Variants in KCNN2 observed in about 807,000 individuals in gnomAD.
The protein encoded by KCNN2 is potassium calcium-activated channel subfamily N member 2, also known as small conductance calcium-activated potassium channel protein 2.
Under a neutral mutation model 55.5 loss-of-function variants are expected in KCNN2, and 24 were observed. The observed-to-expected ratio is 0.43, with a 90% CI of 0.31 to 0.61. The LOEUF (loss-of-function observed/expected upper bound fraction) is 0.61, where lower values mean the gene tolerates loss of function less well. Among genes scored for constraint, KCNN2 ranks in the 20% least tolerant of loss-of-function variants. The probability of loss-of-function intolerance (pLI) is 0.08; values close to 1 mark genes in which losing one functional copy is unlikely to be tolerated. For synonymous variants in KCNN2, 431 were observed against 336.1 expected (o/e 1.28, Z -3.09); for missense variants, 754 against 853.6 (o/e 0.88, Z 1.45).
At chr5:114,075,069 G>A (rs1051717453) in intron 1 of KCNN2, among the ~76,000 whole-genome samples, 31 of 152,340 alleles carry the variant, frequency 2.0e-4, no homozygotes, top group African/African-American at 7.2e-4. Flanking sequence ...CCAGGAGCCA[G>A]TTAATTTGTA....
intron 2 of KCNN2, among the ~76,000 whole-genome samples, chr5:114,353,670 T>C (rs953920092): frequency 6.6e-6 from 1 of 151,966 alleles, no homozygotes; most frequent in Non-Finnish European, 1.5e-5. Flanking sequence ...TTTATTTCTC[T>C]GGGAAACTAT....
At chr5:114,187,434 T>A (rs1304433131) in intron 1 of KCNN2, among the ~76,000 whole-genome samples, 2 of 151,974 alleles carry the variant, frequency 1.3e-5, no homozygotes, top group Non-Finnish European at 2.9e-5. Flanking sequence ...TATCCTAGAT[T>A]CCTGGCCTAA....
intron 3 of KCNN2, among the ~76,000 whole-genome samples, chr5:114,422,998 T>G (rs893127351): frequency 7.2e-5 from 11 of 152,246 alleles, no homozygotes; most frequent in Admixed American, 7.2e-4. Flanking sequence ...CATAGAAGTA[T>G]CCACATCTCC....
chr5:114,250,302 T>C (rs912947788), intron 2 of KCNN2, among the ~76,000 whole-genome samples: 1 of 152,100 alleles, frequency 6.6e-6, no homozygotes, highest in African/African-American at 2.4e-5. Context: ...CAGGTTTGGG[T>C]CTAGAACTGG....
At chr5:114,385,653 AC>A (rs1159828335) in intron 2 of KCNN2, among the ~76,000 whole-genome samples, 2 of 151,728 alleles carry the variant, frequency 1.3e-5, no homozygotes, top group Non-Finnish European at 2.9e-5. Flanking sequence ...TACCACTTTC[AC>A]CCAGGTGCCT....
chr5:114,288,880 AT>A (rs948241250), intron 2 of KCNN2, among the ~76,000 whole-genome samples: 76 of 150,986 alleles, frequency 5.0e-4, no homozygotes, highest in African/African-American at 1.7e-3. Context: ...AGTTCAGCTT[AT>A]TTTTTTTTCA....
intron 1 of KCNN2, among the ~76,000 whole-genome samples, chr5:114,127,790 A>G (rs1383438562): frequency 6.6e-6 from 1 of 152,094 alleles, no homozygotes; most frequent in Non-Finnish European, 1.5e-5. Context: ...ATGCTTTGCT[A>G]CTTAGAAATT....
At chr5:114,238,678 T>TA in intron 2 of KCNN2, among the ~76,000 whole-genome samples, 1 of 152,090 alleles carries the variant, frequency 6.6e-6, no homozygotes, top group Non-Finnish European at 1.5e-5. Context: ...TTTAATTTTC[T>TA]AAAAAACAAT....
intron 2 of KCNN2, among the ~76,000 whole-genome samples, chr5:114,247,788 A>G (rs1024294886): frequency 1.3e-5 from 2 of 152,196 alleles, no homozygotes; most frequent in Non-Finnish European, 2.9e-5. Flanking sequence ...CAAGTACCCA[A>G]AAGGGTAGCC....
intron 3 of KCNN2, among the ~76,000 whole-genome samples, chr5:114,433,093 C>CT (rs1419205018): frequency 6.6e-6 from 1 of 152,210 alleles, no homozygotes; most frequent in Non-Finnish European, 1.5e-5. Flanking sequence ...TGGCAGGCAG[C>CT]TCCACCTGCA....
chr5:114,359,321 G>C (rs548038114), upstream of KCNN2, among the ~76,000 whole-genome samples: 2 of 152,124 alleles, frequency 1.3e-5, no homozygotes, highest in African/African-American at 4.8e-5. Flanking sequence ...CCCTTGAAGA[G>C]AAGTGAGAAC....
chr5:114,425,728 C>G (rs1259109143), intron 3 of KCNN2, among the ~76,000 whole-genome samples: 1 of 152,144 alleles, frequency 6.6e-6, no homozygotes, highest in Admixed American at 6.5e-5. Context: ...TTAGTACCTC[C>G]TCAGCTGCCA....
chr5:114,208,121 T>G (rs767219964), intron 1 of KCNN2, among the ~76,000 whole-genome samples: 2 of 152,208 alleles, frequency 1.3e-5, no homozygotes, highest in Non-Finnish European at 2.9e-5. Context: ...TTCACAATTA[T>G]GTTGGTAAGC....
At chr5:114,286,884 T>C (rs1194289007) in intron 2 of KCNN2, among the ~76,000 whole-genome samples, 1 of 152,238 alleles carries the variant, frequency 6.6e-6, no homozygotes. Context: ...TAGACTATCA[T>C]GACGGAAGTG....
At chr5:114,188,591 T>G (rs1394577895) in intron 1 of KCNN2, among the ~76,000 whole-genome samples, 1 of 152,150 alleles carries the variant, frequency 6.6e-6, no homozygotes, top group Non-Finnish European at 1.5e-5. Flanking sequence ...ACAAATAAAT[T>G]GTTAAGACTA....
At chr5:114,475,586 G>C (rs1296493679) in intron 5 of KCNN2, among the ~76,000 whole-genome samples, 1 of 151,794 alleles carries the variant, frequency 6.6e-6, no homozygotes, top group Non-Finnish European at 1.5e-5. Context: ...TATGTTAACT[G>C]TTAAGGATCA....
chr5:114,151,871 G>A (rs1256794820), intron 1 of KCNN2, among the ~76,000 whole-genome samples: 1 of 152,106 alleles, frequency 6.6e-6, no homozygotes, highest in Non-Finnish European at 1.5e-5. Flanking sequence ...AATGAAATAG[G>A]AAATGAAAAT....
intron 3 of KCNN2, among the ~76,000 whole-genome samples, chr5:114,458,454 T>A (rs1310600010): frequency 6.6e-6 from 1 of 152,200 alleles, no homozygotes; most frequent in Non-Finnish European, 1.5e-5. Context: ...ACTTTTTATA[T>A]GTCTATGTGT....
In KCNN2 at chr5:114,077,230, T is replaced by C. The variant is rs1750701541; in HGVS notation, c.-271+20730T>C. ...TCCCAGGCAACAGAGTTGTAAGCAG[T>C]TGGAATGGGACTTTCAGTGGAAACT... On this transcript the variant is annotated intron_variant, in intron 1 of 10. Transcript: ENST00000512097. 2.0e-5 allele frequency among the ~76,000 whole-genome samples: 3 copies of C among 152,174 alleles called. No homozygotes were observed. The South Asian group carries it at 6.2e-4, about 32-fold the overall frequency.
Sources: allele counts gnomAD v4.1 joint callset (sites outside exome capture counted in the v4.1 genomes callset), GRCh38; gene constraint gnomAD v4.1.1; transcripts MANE v1.5; gene names NCBI Gene and HGNC (gene_info 2026-07-23, HGNC 2026-07-21).